The following PCDHGA12 variants were observed in gnomAD, a reference collection of about 807,000 sequenced individuals.
PCDHGA12 encodes the protein protocadherin gamma subfamily A, 12.
Under a neutral mutation model 61.1 loss-of-function variants are expected in PCDHGA12, and 43 were observed. That is an observed-to-expected ratio of 0.70 (90% CI 0.55 to 0.91). The LOEUF (loss-of-function observed/expected upper bound fraction) is 0.91, where lower values mean the gene tolerates loss of function less well. Ranked by LOEUF, PCDHGA12 falls within the 40% of genes least tolerant of loss-of-function variation. The pLI, the probability that PCDHGA12 is intolerant of heterozygous loss-of-function variation, is 0.00. For synonymous variants in PCDHGA12, 520 were observed against 542.9 expected, an observed-to-expected ratio of 0.96 and a Z score of 0.59; for missense variants, 1,236 against 1,227.7, an observed-to-expected ratio of 1.01 and a Z score of -0.10.
Position 141,431,535 on chromosome 5 carries a change from C to T in PCDHGA12, c.776C>T (p.Thr259Met). Residue 259 changes from threonine to methionine, a missense_variant, in exon 1 of 4, where the codon ACG becomes ATG. Coordinates refer to ENST00000252085, the MANE Select transcript of PCDHGA12 (RefSeq NM_003735.3). This position sits in a 1 kb window ranked among gnomAD's most constrained non-coding sequence, Gnocchi z 4.8. ...GTTCCGGAGAATCTGGCCTTGGGCA[C>T]GCAGCTGCTTGTAGTCAACGCTACC... is the stretch of plus-strand genomic sequence containing the variant. ...ASVPENLALG[T>M]QLLVVNATDP... 3 of 1,614,076 alleles carry T rather than the reference C, an allele frequency of 1.9e-6. No individual in the cohort carries two copies. Among genetic ancestry groups the T allele is most frequent in the Non-Finnish European group, 2.5e-6 (3 of 1,180,038 alleles).
At chr5:141,443,442 C>T (rs571341362) in intron 1 of PCDHGA12, among the ~76,000 whole-genome samples, 9 of 152,202 alleles carry the variant, frequency 5.9e-5, no homozygotes, top group East Asian at 1.9e-4. Context: ...GCTGTGGTTG[C>T]GCTCCTGTAC....
At chr5:141,501,329 ACACACC>A (rs1456568693) in intron 2 of PCDHGA12, among the ~76,000 whole-genome samples, 16 of 148,226 alleles carry the variant, frequency 1.1e-4, no homozygotes, top group Non-Finnish European at 2.2e-4. Context: ...ACACACACAC[ACACACC>A]CCAAACTCAA....
chr5:141,459,406 A>C (rs2098967498), intron 1 of PCDHGA12, among the ~76,000 whole-genome samples: 1 of 152,218 alleles, frequency 6.6e-6, no homozygotes, highest in Admixed American at 6.5e-5. Flanking sequence ...GCAGTATTGC[A>C]TTGTGTGGAT....
chr5:141,478,497 C>A (rs746475685), intron 1 of PCDHGA12: 2 of 1,612,820 alleles, frequency 1.2e-6, no homozygotes, highest in Non-Finnish European at 1.7e-6. Context: ...AGCTGTGATC[C>A]GGTGTTCTAT....
Position 141,490,924 on chromosome 5 carries a change from C to G in PCDHGA12, c.2425-3883C>G, listed in dbSNP as rs1469202824. The G allele has an allele frequency of 1.9e-6, 3 of 1,613,562 alleles. No individual in the cohort carries two copies. The highest frequency in any genetic ancestry group is 2.5e-6 in the Non-Finnish European group (3 of 1,179,702). ...TGTCCTAGACGAGAATGATAATGCC[C>G]CAGCTGTGCTGCACCCACGGCCAGA... On this transcript the variant is annotated intron_variant, in intron 1 of 3. Transcript: ENST00000252085. The surrounding 1 kb of genome is among the most constrained non-coding windows in gnomAD (Gnocchi z 5.4).
At chr5:141,474,920 C>A (rs1363277892) in intron 1 of PCDHGA12, among the ~76,000 whole-genome samples, 2 of 152,232 alleles carry the variant, frequency 1.3e-5, no homozygotes, top group Admixed American at 6.5e-5. Context: ...TACATCTCAT[C>A]TCTGGCTTAT....
At chr5:141,469,424 AC>A (rs1173507321) in intron 1 of PCDHGA12, among the ~76,000 whole-genome samples, 1 of 151,864 alleles carries the variant, frequency 6.6e-6, no homozygotes, top group East Asian at 1.9e-4. Context: ...AAAATATAAA[AC>A]TTAGCTGGGC....
At chr5:141,471,571 A>G (rs1417147609) in intron 1 of PCDHGA12, 1 of 152,224 alleles carries the variant, frequency 6.6e-6, no homozygotes, top group African/African-American at 2.4e-5. Context: ...GGGTAGCAGT[A>G]GATAGGGTAA....
rs1267617024 is a variant in PCDHGA12 at position 141,476,542 on chromosome 5, G to T, written c.2425-18265G>T. The T allele has an allele frequency of 6.2e-7, 1 of 1,614,210 alleles. No individual in the cohort carries two copies. The highest frequency in any genetic ancestry group is 1.7e-5 in the Admixed American group (1 of 60,036). On this transcript the variant is annotated intron_variant, in intron 1 of 3. Transcript: ENST00000252085. This position sits in a 1 kb window ranked among gnomAD's most constrained non-coding sequence, Gnocchi z 7.6. ...CTTTCCCTACCCAGGAAATGAAATT[G>T]GAGATTAGCGAGGCCGTGGCTCCGG...
chr5:141,508,824 G>A (rs893436748), intron 3 of PCDHGA12, among the ~76,000 whole-genome samples: 9 of 151,952 alleles, frequency 5.9e-5, no homozygotes, highest in Admixed American at 3.3e-4. Flanking sequence ...CCAGATCTGG[G>A]CCCCCCTCCC....
intron 1 of PCDHGA12, chr5:141,471,417 T>A (rs1174855045): frequency 6.6e-6 from 1 of 152,190 alleles, no homozygotes; most frequent in Non-Finnish European, 1.5e-5. Flanking sequence ...GTTATGTTTT[T>A]AGCAAGGAAA....
intron 1 of PCDHGA12, among the ~76,000 whole-genome samples, chr5:141,450,038 A>G (rs2098666630): frequency 8.1e-6 from 1 of 124,190 alleles, no homozygotes; most frequent in African/African-American, 3.3e-5. Context: ...ACAGGGTCTC[A>G]CTCTTTCGCC....
intron 1 of PCDHGA12, among the ~76,000 whole-genome samples, chr5:141,472,357 C>T (rs1020143523): frequency 2.4e-4 from 37 of 152,012 alleles, no homozygotes; most frequent in Non-Finnish European, 1.5e-4. Context: ...CTGGCTAACA[C>T]GGTGAAACCC....
rs776543767 is a variant in PCDHGA12 at position 141,432,028 on chromosome 5, C to G, written c.1269C>G (p.Thr423=). The G allele has an allele frequency of 6.2e-7, 1 of 1,614,168 alleles. No homozygotes were observed. The highest frequency in any genetic ancestry group is 2.2e-5 in the East Asian group (1 of 44,882). Residue 423 remains threonine, a synonymous_variant, in exon 1 of 4, where the codon ACC becomes ACG. Transcript: ENST00000252085. This position sits in a 1 kb window ranked among gnomAD's most constrained non-coding sequence, Gnocchi z 6.0. The part of the protein sequence containing the change: ...EQVPSYNITV[T]ATDRGTPPLS... ...TTCCTAGCTACAACATCACAGTGAC[C>G]GCCACTGACCGGGGAACCCCGCCCC...
intron 1 of PCDHGA12, among the ~76,000 whole-genome samples, chr5:141,455,393 C>G (rs574741955): frequency 6.4e-4 from 97 of 152,150 alleles, no homozygotes; most frequent in African/African-American, 2.2e-3. Flanking sequence ...GAAGGAGCTC[C>G]CCCTTACAGA....
At chr5:141,454,838 C>T (rs1472341694) in intron 1 of PCDHGA12, among the ~76,000 whole-genome samples, 7 of 100,814 alleles carry the variant, frequency 6.9e-5, no homozygotes, top group Non-Finnish European at 1.1e-4. Flanking sequence ...GACAGAGTCG[C>T]GCTCTGTCAC....
In PCDHGA12 at chr5:141,500,954, C is replaced by T. The variant is rs536993707; in HGVS notation, c.2484-4439C>T. On this transcript the variant is annotated intron_variant, in intron 2 of 3. Coordinates refer to ENST00000252085, the MANE Select transcript of PCDHGA12 (RefSeq NM_003735.3). Reference sequence around the variant, plus strand: ...CGCCATCTCGGCTCACTGCAAGCTCCACCTCCTGGGTTCAAGCAATTCTCC... The same window carrying T: ...CGCCATCTCGGCTCACTGCAAGCTCTACCTCCTGGGTTCAAGCAATTCTCC... Among the ~76,000 whole-genome samples the T allele has an allele frequency of 2.4e-3, 358 of 152,060 alleles. 1 individual carries two copies. The highest frequency in any genetic ancestry group is 4.1e-3 in the Admixed American group (63 of 15,282).
Position 141,476,682 on chromosome 5 carries a change from A to G in PCDHGA12, c.2425-18125A>G, listed in dbSNP as rs987205396. The G allele has an allele frequency of 6.2e-7, 1 of 1,614,072 alleles. No individual in the cohort carries two copies. Among genetic ancestry groups the G allele is most frequent in the African/African-American group, 1.3e-5 (1 of 74,934 alleles). ...GCGCTTCGCGTGCAGACGCGGGAGG[A>G]CAGCACCAAGTACGCGGAGCTGGTG... On this transcript the variant is annotated intron_variant, in intron 1 of 3. Coordinates refer to ENST00000252085, the MANE Select transcript of PCDHGA12 (RefSeq NM_003735.3). The surrounding 1 kb of genome is among the most constrained non-coding windows in gnomAD (Gnocchi z 7.6).
intron 1 of PCDHGA12, among the ~76,000 whole-genome samples, chr5:141,454,353 A>G (rs2098787486): frequency 1.3e-5 from 2 of 152,238 alleles, no homozygotes; most frequent in Non-Finnish European, 2.9e-5. Context: ...AGTTGATCCA[A>G]ACTTAGAAAG....
Sources: allele counts gnomAD v4.1 joint callset (sites outside exome capture counted in the v4.1 genomes callset), GRCh38; gene constraint gnomAD v4.1.1; non-coding constraint Gnocchi (gnomAD v3.1); transcripts MANE v1.5; gene names NCBI Gene and HGNC (gene_info 2026-07-23, HGNC 2026-07-21).